KLHL29: variants seen among roughly 807,000 people sequenced by gnomAD.
KLHL29 encodes kelch-like protein 29.
In KLHL29, 21 loss-of-function variants were observed where a neutral mutation model predicts 80.4. That is an observed-to-expected ratio of 0.26 (90% CI 0.19 to 0.38). The LOEUF is 0.38. Among genes scored for constraint, KLHL29 ranks in the 10% least tolerant of loss-of-function variants. KLHL29 has a pLI of 1.00. For synonymous variants in KLHL29, 511 were observed against 526.8 expected (o/e 0.97, Z 0.41); for missense variants, 867 against 1,223.9 (o/e 0.71, Z 4.35).
In KLHL29 at chr2:23,700,176, AT is replaced by A. The variant is rs1472136090; in HGVS notation, c.2106-3006del. Reference sequence around the variant, plus strand: ...TCATTATCCAGTTGGACTCCTTCCTATTTTAGCATGTAAACACAATTAAACA... The same window carrying A: ...TCATTATCCAGTTGGACTCCTTCCTATTTAGCATGTAAACACAATTAAACA... On this transcript the variant is annotated intron_variant, in intron 11 of 13. Coordinates refer to ENST00000486442, the MANE Select transcript of KLHL29 (RefSeq NM_052920.2). This position sits in a 1 kb window ranked among gnomAD's most constrained non-coding sequence, Gnocchi z 4.6. 2.0e-5 allele frequency among the ~76,000 whole-genome samples: 3 copies of A among 152,170 alleles called. No individual in the cohort carries two copies. Among genetic ancestry groups the A allele is most frequent in the African/African-American group, 7.2e-5 (3 of 41,430 alleles).
At chr2:23,701,493 G>A (rs1672362052) in intron 11 of KLHL29, among the ~76,000 whole-genome samples, 2 of 152,184 alleles carry the variant, frequency 1.3e-5, no homozygotes, top group Admixed American at 1.3e-4. Flanking sequence ...TGGGAGGATT[G>A]CTTAAGCTCA....
intron 1 of KLHL29, among the ~76,000 whole-genome samples, chr2:23,465,760 C>T (rs1227660595): frequency 6.6e-6 from 1 of 152,280 alleles, no homozygotes; most frequent in South Asian, 2.1e-4. Context: ...ATCTTTCAGG[C>T]ACCACCTTCC....
chr2:23,482,752 T>G (rs1664831738), intron 2 of KLHL29, among the ~76,000 whole-genome samples: 1 of 152,182 alleles, frequency 6.6e-6, no homozygotes, highest in Non-Finnish European at 1.5e-5. Flanking sequence ...ACAGGACAAA[T>G]AGTGCCAGGA....
intron 4 of KLHL29, among the ~76,000 whole-genome samples, chr2:23,641,435 C>G (rs1669766443): frequency 6.6e-6 from 1 of 152,188 alleles, no homozygotes; most frequent in Admixed American, 6.5e-5. Flanking sequence ...ATGCCCGGCC[C>G]CGGGCTCTAG....
At chr2:23,386,161 C>G (rs1018220073) in intron 1 of KLHL29, among the ~76,000 whole-genome samples, 6 of 152,140 alleles carry the variant, frequency 3.9e-5, no homozygotes, top group Non-Finnish European at 7.4e-5. Context: ...CCACGTTCCC[C>G]TGAGCGGCCC....
intron 1 of KLHL29, among the ~76,000 whole-genome samples, chr2:23,466,678 A>G (rs1039294372): frequency 6.6e-6 from 1 of 152,228 alleles, no homozygotes; most frequent in Non-Finnish European, 1.5e-5. Context: ...AGTATTCATA[A>G]GAATCTACAG....
chr2:23,415,875 A>T (rs1666974348), intron 1 of KLHL29, among the ~76,000 whole-genome samples: 1 of 151,862 alleles, frequency 6.6e-6, no homozygotes, highest in Non-Finnish European at 1.5e-5. Flanking sequence ...ATATTTTTTA[A>T]TTTTTTTGTA....
chr2:23,562,310 G>A lies in KLHL29; in HGVS notation c.114G>A (p.Gly38=). ...CCAGCATCTGCAGTGTCACCTCGGG[G>A]GCCGGTGGCGGCACAGCCAGCAGCC... The part of the protein sequence containing the change: ...GTTSICSVTS[G]AGGGTASSLS... Residue 38 remains glycine, a synonymous_variant, in exon 3 of 14, where the codon GGG becomes GGA. Coordinates refer to ENST00000486442, the MANE Select transcript of KLHL29 (RefSeq NM_052920.2). This position sits in a 1 kb window ranked among gnomAD's most constrained non-coding sequence, Gnocchi z 4.5. 2.6e-6 allele frequency: 4 copies of A among 1,545,378 alleles called. No individual in the cohort carries two copies. The highest frequency in any genetic ancestry group is 2.6e-6 in the Non-Finnish European group (3 of 1,144,006).
At chr2:23,619,077 G>A (rs1669099899) in intron 3 of KLHL29, among the ~76,000 whole-genome samples, 1 of 152,238 alleles carries the variant, frequency 6.6e-6, no homozygotes, top group Non-Finnish European at 1.5e-5. Flanking sequence ...TCGGCCCAGG[G>A]AAAGGCAGCC....
intron 2 of KLHL29, among the ~76,000 whole-genome samples, chr2:23,538,549 C>T (rs1666745524): frequency 2.0e-5 from 3 of 152,230 alleles, no homozygotes; most frequent in South Asian, 2.1e-4. Flanking sequence ...GTGACTGAAA[C>T]GTCCATTCCA....
At chr2:23,430,128 C>T (rs1200030259) in intron 1 of KLHL29, among the ~76,000 whole-genome samples, 1 of 152,146 alleles carries the variant, frequency 6.6e-6, no homozygotes, top group East Asian at 1.9e-4. Flanking sequence ...TATCAAATTT[C>T]ACCTGTCTGA....
At chr2:23,413,355 A>AT (rs2103396590) in intron 1 of KLHL29, among the ~76,000 whole-genome samples, 1 of 152,198 alleles carries the variant, frequency 6.6e-6, no homozygotes, top group South Asian at 2.1e-4. Flanking sequence ...TGTGTGATCC[A>AT]TTTTCTTTGT....
At chr2:23,582,626 C>T (rs1249829769) in intron 3 of KLHL29, among the ~76,000 whole-genome samples, 1 of 152,182 alleles carries the variant, frequency 6.6e-6, no homozygotes, top group Non-Finnish European at 1.5e-5. Context: ...TGTTCCAACC[C>T]TGTTCTTGGC....
intron 1 of KLHL29, among the ~76,000 whole-genome samples, chr2:23,447,185 T>G (rs1663721564): frequency 6.6e-6 from 1 of 152,164 alleles, no homozygotes; most frequent in South Asian, 2.1e-4. Context: ...TGTGCTGGAG[T>G]AAATCCTGTA....
intron 1 of KLHL29, among the ~76,000 whole-genome samples, chr2:23,411,461 T>C (rs1302700863): frequency 7.6e-6 from 1 of 132,092 alleles, no homozygotes; most frequent in Non-Finnish European, 1.6e-5. Flanking sequence ...TAATGGGTCA[T>C]GGGGGTAGAG....
intron 2 of KLHL29, chr2:23,532,585 C>T (rs774398865): frequency 2.2e-6 from 1 of 456,648 alleles, no homozygotes; most frequent in Admixed American, 2.3e-5. Flanking sequence ...AGCTAAAACA[C>T]TTCCTTCAAG....
intron 1 of KLHL29, among the ~76,000 whole-genome samples, chr2:23,388,093 G>A (rs537795613): frequency 6.6e-5 from 10 of 151,994 alleles, no homozygotes; most frequent in African/African-American, 2.4e-4. Context: ...TAGATTAAGG[G>A]TTATTGGTTT....
At chr2:23,584,389 C>T (rs1447005202) in intron 3 of KLHL29, among the ~76,000 whole-genome samples, 3 of 152,218 alleles carry the variant, frequency 2.0e-5, no homozygotes, top group African/African-American at 7.2e-5. Flanking sequence ...CAGCTTCGCC[C>T]TCTGGGGATT....
At position 23,556,767 on chromosome 2, in the gene KLHL29, A is replaced by G. The variant is rs553244961; in HGVS notation, c.-45-5385A>G. 4.1e-4 allele frequency among the ~76,000 whole-genome samples: 62 copies of G among 152,338 alleles called. No homozygotes were observed. In the South Asian group the frequency reaches 0.012, roughly 30 times the overall value. On this transcript the variant is annotated intron_variant, in intron 2 of 13. Transcript: ENST00000486442. The stretch of plus-strand genomic sequence containing the variant: ...AAAGGCCAGAGCCAAGTTGGCACAT[A>G]AAATACCTGTGAGGCCTTTCACATT...
Sources: gnomAD v4.1 joint callset for allele counts (sites outside exome capture counted in the v4.1 genomes callset) on GRCh38, gnomAD v4.1.1 for gene constraint, Gnocchi (gnomAD v3.1) non-coding constraint, MANE v1.5 for transcripts, NCBI Gene and HGNC (gene_info 2026-07-23, HGNC 2026-07-21) for gene names.